Variants in TSPAN12 observed in about 807,000 individuals in gnomAD.
TSPAN12 encodes the protein tetraspanin 12.
A neutral mutation model predicts 39.2 loss-of-function variants in TSPAN12; 19 were observed. That is an observed-to-expected ratio of 0.49 (90% CI 0.34 to 0.71). The LOEUF (loss-of-function observed/expected upper bound fraction) is 0.71, where lower values mean the gene tolerates loss of function less well. TSPAN12 is among the 30% of genes least tolerant of loss of function. TSPAN12 has a pLI of 0.01. For synonymous variants in TSPAN12, 119 were observed against 124.8 expected (o/e 0.95, Z 0.31); for missense variants, 314 against 359.9 (o/e 0.87, Z 1.03).
Position 120,822,676 on chromosome 7 carries a change from G to A in TSPAN12, c.286-6873C>T, listed in dbSNP as rs943798934. 3.9e-5 allele frequency among the ~76,000 whole-genome samples: 6 copies of A among 152,140 alleles called. No homozygotes were observed. The East Asian group carries it at 9.7e-4, about 25-fold the overall frequency. On this transcript the variant is annotated intron_variant, in intron 4 of 7. Transcript: ENST00000222747. Reference sequence around the variant, plus strand: ...GGTGGGGATAAAGAGAGAAGGACTTGTTGAAAACCCCACTTAGGAAGAAGT... The same window carrying A: ...GGTGGGGATAAAGAGAGAAGGACTTATTGAAAACCCCACTTAGGAAGAAGT...
intron 2 of TSPAN12, among the ~76,000 whole-genome samples, chr7:120,852,771 A>T (rs1794792915): frequency 6.6e-6 from 1 of 152,216 alleles, no homozygotes; most frequent in Non-Finnish European, 1.5e-5. Context: ...TTGGATAAAA[A>T]ACAAAACTGG....
chr7:120,790,790 G>C (rs1019352319), intron 7 of TSPAN12, among the ~76,000 whole-genome samples: 7 of 152,090 alleles, frequency 4.6e-5, no homozygotes, highest in African/African-American at 1.7e-4. Flanking sequence ...AAGTTAAAAA[G>C]GTTTGGCTTC....
At position 120,836,553 on chromosome 7, in the gene TSPAN12, G is replaced by A. The variant is rs145010655; in HGVS notation, c.285+2224C>T. On this transcript the variant is annotated intron_variant, in intron 4 of 7. Coordinates refer to ENST00000222747, the MANE Select transcript of TSPAN12 (RefSeq NM_012338.4). ...CCCAGAGGGTGGCACTGAACCCTTC[G>A]GGCTGAGCTCAGAGTTCTTCCTCTC... Among the ~76,000 whole-genome samples the A allele has an allele frequency of 4.6e-5, 7 of 152,246 alleles. No individual in the cohort carries two copies. The East Asian group carries it at 9.7e-4, about 21-fold the overall frequency.
chr7:120,838,306 G>T (rs1300146569), intron 4 of TSPAN12, among the ~76,000 whole-genome samples: 3 of 152,160 alleles, frequency 2.0e-5, no homozygotes, highest in Non-Finnish European at 4.4e-5. Flanking sequence ...CAACAACCAA[G>T]ATTATAGAAA....
At chr7:120,853,646 G>A (rs1464514162) in intron 2 of TSPAN12, among the ~76,000 whole-genome samples, 3 of 150,810 alleles carry the variant, frequency 2.0e-5, no homozygotes, top group Admixed American at 1.3e-4. Flanking sequence ...AGGCCGAGGT[G>A]GGTGGATCAT....
intron 7 of TSPAN12, among the ~76,000 whole-genome samples, chr7:120,789,651 C>G (rs1300876598): frequency 6.6e-6 from 1 of 152,108 alleles, no homozygotes; most frequent in African/African-American, 2.4e-5. Flanking sequence ...CACAGTGATA[C>G]AGGAGATAGA....
chr7:120,806,167 T>C (rs1192105799), intron 7 of TSPAN12, among the ~76,000 whole-genome samples: 2 of 152,052 alleles, frequency 1.3e-5, no homozygotes, highest in Non-Finnish European at 2.9e-5. Context: ...TGGTGGTCTA[T>C]GTGGAGGCTC....
Position 120,792,164 on chromosome 7 carries a change from G to A in TSPAN12, c.613-3267C>T, listed in dbSNP as rs147566177. Among the ~76,000 whole-genome samples the A allele has an allele frequency of 1.5e-3, 225 of 152,298 alleles. 2 individuals are homozygous for A. Among genetic ancestry groups the A allele is most frequent in the East Asian group, 0.012 (63 of 5,184 alleles). The stretch of plus-strand genomic sequence containing the variant: ...CAGCTGACTAGAAAGCCAAGAGCCT[G>A]CAATCCTGGTGAGAACTGGCAGCCT... On this transcript the variant is annotated intron_variant, in intron 7 of 7. Coordinates refer to ENST00000222747, the MANE Select transcript of TSPAN12 (RefSeq NM_012338.4).
intron 4 of TSPAN12, among the ~76,000 whole-genome samples, chr7:120,833,281 G>A (rs2116445013): frequency 6.6e-6 from 1 of 152,112 alleles, no homozygotes; most frequent in South Asian, 2.1e-4. Flanking sequence ...AAGGACTTAT[G>A]ACTAGCTATA....
At position 120,857,233 on chromosome 7, in the gene TSPAN12, C is replaced by T. The variant is rs1036525481; in HGVS notation, c.-70-400G>A. ...GGTGAGAAACCACACTGCCCCCTACCCCGGACACGTCAGAGGCGCCACCGG... is the reference window on the plus strand; with the variant it reads ...GGTGAGAAACCACACTGCCCCCTACTCCGGACACGTCAGAGGCGCCACCGG... On this transcript the variant is annotated intron_variant, in intron 1 of 7. Coordinates refer to ENST00000222747, the MANE Select transcript of TSPAN12 (RefSeq NM_012338.4). 5 of 274,280 alleles carry T rather than the reference C, an allele frequency of 1.8e-5. No individual in the cohort carries two copies. In the Admixed American group the frequency reaches 2.0e-4, roughly 11 times the overall value. The allele number at this position is 274,280 out of a possible 1,614,324, so 17.0% of individuals were successfully genotyped here.
chr7:120,794,583 C>T (rs561640312), intron 7 of TSPAN12, among the ~76,000 whole-genome samples: 1 of 152,296 alleles, frequency 6.6e-6, no homozygotes, highest in South Asian at 2.1e-4. Context: ...GGGGCAGATA[C>T]CATTATCACT....
At chr7:120,798,754 T>G (rs1184656557) in intron 7 of TSPAN12, among the ~76,000 whole-genome samples, 1 of 152,132 alleles carries the variant, frequency 6.6e-6, no homozygotes, top group African/African-American at 2.4e-5. Context: ...CACCCTGTGC[T>G]CCAGCTGTGC....
intron 7 of TSPAN12, among the ~76,000 whole-genome samples, chr7:120,798,910 C>T (rs1461625161): frequency 6.6e-6 from 1 of 152,206 alleles, no homozygotes; most frequent in Non-Finnish European, 1.5e-5. Flanking sequence ...ACTACCACTA[C>T]TATGTGTTCC....
chr7:120,853,402 T>C (rs1026536045), intron 2 of TSPAN12, among the ~76,000 whole-genome samples: 2 of 150,726 alleles, frequency 1.3e-5, no homozygotes, highest in African/African-American at 4.9e-5. Flanking sequence ...TCAACAGATA[T>C]TTTTAATTGG....
intron 2 of TSPAN12, among the ~76,000 whole-genome samples, chr7:120,848,803 C>T (rs1202106978): frequency 1.3e-5 from 2 of 152,202 alleles, no homozygotes; most frequent in Non-Finnish European, 2.9e-5. Context: ...AGAACAGTTT[C>T]ATCCTCAACA....
In TSPAN12 at chr7:120,816,165, A is replaced by G. The variant is rs1584935085; in HGVS notation, c.286-362T>C. Among the ~76,000 whole-genome samples the G allele has an allele frequency of 4.6e-5, 7 of 152,278 alleles. 1 individual carries two copies. Among genetic ancestry groups the G allele is most frequent in the Admixed American group, 4.6e-4 (7 of 15,290 alleles). ...TGGACGAGGTGAAGTCAACAAGTTC[A>G]ATGCTCTGCACCATGAGCAGATTTT... is the stretch of plus-strand genomic sequence containing the variant. On this transcript the variant is annotated intron_variant, in intron 4 of 7. Coordinates refer to ENST00000222747, the MANE Select transcript of TSPAN12 (RefSeq NM_012338.4).
At chr7:120,853,927 AGTTT>A (rs1006520592) in intron 2 of TSPAN12, among the ~76,000 whole-genome samples, 22 of 152,066 alleles carry the variant, frequency 1.4e-4, no homozygotes, top group African/African-American at 5.1e-4. Flanking sequence ...AATATAGAAA[AGTTT>A]GTTTAACTAT....
At chr7:120,822,205 G>GATT (rs1187196405) in intron 4 of TSPAN12, among the ~76,000 whole-genome samples, 1 of 151,946 alleles carries the variant, frequency 6.6e-6, no homozygotes, top group Admixed American at 6.6e-5. Context: ...AAACAAAGAG[G>GATT]ATTAATTCCC....
chr7:120,832,521 C>G (rs1043935620), intron 4 of TSPAN12, among the ~76,000 whole-genome samples: 14 of 152,022 alleles, frequency 9.2e-5, no homozygotes, highest in African/African-American at 2.9e-4. Flanking sequence ...ACCGGCAAAC[C>G]CTTATGTATT....
Sources: gnomAD v4.1 joint callset for allele counts (sites outside exome capture counted in the v4.1 genomes callset) on GRCh38, gnomAD v4.1.1 for gene constraint, MANE v1.5 for transcripts, NCBI Gene and HGNC (gene_info 2026-07-23, HGNC 2026-07-21) for gene names.